PXDNL: variants seen among roughly 807,000 people sequenced by gnomAD.
PXDNL encodes the protein peroxidasin like.
PXDNL carries 145 observed loss-of-function variants against 150.8 expected under a neutral mutation model. That is an observed-to-expected ratio of 0.96 (90% CI 0.84 to 1.10). The LOEUF (loss-of-function observed/expected upper bound fraction) is 1.10. Among genes scored for constraint, PXDNL ranks in the 50% least tolerant of loss-of-function variants. The pLI is 0.00. For synonymous variants in PXDNL, 757 were observed against 725.7 expected (o/e 1.04, Z -0.69); for missense variants, 2,087 against 1,873.9 (o/e 1.11, Z -2.10).
rs537674926 is a variant in PXDNL, at chr8:51,743,431, T to C, written c.164+65750A>G. Among the ~76,000 whole-genome samples the C allele has an allele frequency of 4.6e-5, 7 of 151,978 alleles. No individual in the cohort carries two copies. The South Asian group carries it at 1.5e-3, about 32-fold the overall frequency. On this transcript the variant is annotated intron_variant, in intron 1 of 22. Coordinates refer to ENST00000356297, the MANE Select transcript of PXDNL (RefSeq NM_144651.5). ...TCTTGCTCTGTCCCCCAGGCTGCAG[T>C]AGTGCAGTGATGCGATCTTGGCTCA...
At chr8:51,529,394 T>TATCA (rs2130422397) in intron 4 of PXDNL, among the ~76,000 whole-genome samples, 1 of 152,286 alleles carries the variant, frequency 6.6e-6, no homozygotes, top group South Asian at 2.1e-4. Context: ...TTACTTGACT[T>TATCA]ATCAACAGCA....
intron 17 of PXDNL, among the ~76,000 whole-genome samples, chr8:51,376,692 T>A (rs988509054): frequency 2.6e-5 from 4 of 151,480 alleles, no homozygotes; most frequent in South Asian, 2.1e-4. Flanking sequence ...GAAGTGAGAG[T>A]TAACATGTTT....
intron 4 of PXDNL, among the ~76,000 whole-genome samples, chr8:51,508,176 G>C (rs1030563292): frequency 6.6e-6 from 1 of 152,198 alleles, no homozygotes; most frequent in Non-Finnish European, 1.5e-5. Flanking sequence ...AGTGAAACAG[G>C]CTGGAATAAA....
intron 4 of PXDNL, among the ~76,000 whole-genome samples, chr8:51,535,321 G>A (rs1471397316): frequency 5.4e-5 from 5 of 92,714 alleles, no homozygotes; most frequent in Admixed American, 2.0e-4. Flanking sequence ...TGGTTGCCGG[G>A]TCTGTGTGGA....
At chr8:51,807,046 T>C (rs2037684420) in intron 1 of PXDNL, among the ~76,000 whole-genome samples, 2 of 152,216 alleles carry the variant, frequency 1.3e-5, no homozygotes, top group Admixed American at 1.3e-4. Context: ...TCTAGGTACT[T>C]AAAATGCATT....
At chr8:51,556,729 C>T (rs1382848360) in intron 4 of PXDNL, 111 bp downstream of exon 4, 2 of 677,094 alleles carry the variant, frequency 3.0e-6, no homozygotes, top group Non-Finnish European at 2.7e-6. Flanking sequence ...TCATTCAAGC[C>T]ACATGGAGAA....
intron 3 of PXDNL, among the ~76,000 whole-genome samples, chr8:51,578,592 C>A (rs1443855317): frequency 6.6e-6 from 1 of 151,580 alleles, no homozygotes; most frequent in African/African-American, 2.4e-5. Flanking sequence ...AAAATTCAAG[C>A]AAGACTTTTG....
chr8:51,376,484 T>C (rs1277554463), intron 17 of PXDNL, among the ~76,000 whole-genome samples: 8 of 152,200 alleles, frequency 5.3e-5, no homozygotes. Context: ...TTCAATTCTT[T>C]TTCTGAGAGA....
rs202188801 is a variant in PXDNL, at chr8:51,743,684, T to G, written c.164+65497A>C. On this transcript the variant is annotated intron_variant, in intron 1 of 22. Coordinates refer to ENST00000356297, the MANE Select transcript of PXDNL (RefSeq NM_144651.5). ...GGCATGAGCCACCATGCCCGGGCAA[T>G]TTTTGTATTTTTAGTAGAGAAATGG... 2.6e-5 allele frequency among the ~76,000 whole-genome samples: 4 copies of G among 151,928 alleles called. No homozygotes were observed. The East Asian group carries it at 5.8e-4, about 22-fold the overall frequency.
At chr8:51,374,829 CA>C in intron 17 of PXDNL, 98 bp from the exon 18 acceptor site, 2 of 1,367,818 alleles carry the variant, frequency 1.5e-6, no homozygotes, top group Non-Finnish European at 2.0e-6. Context: ...TTTATCCACA[CA>C]AAAAAAGAAA....
At chr8:51,499,595 T>C in intron 5 of PXDNL, 104 bp downstream of exon 5, 1 of 811,176 alleles carries the variant, frequency 1.2e-6, no homozygotes. Context: ...GCTCTGCCTC[T>C]AAAGCTTACA....
In PXDNL at chr8:51,556,552, T is replaced by C. The variant is rs537988711; in HGVS notation, c.380+288A>G. ...CCTTAACATGCACCACGGAAATATG[T>C]GCATTTCAGGATTTGGAAACAAAGG... On this transcript the variant is annotated intron_variant, in intron 4 of 22. Coordinates refer to ENST00000356297, the MANE Select transcript of PXDNL (RefSeq NM_144651.5). Among the ~76,000 whole-genome samples the C allele has an allele frequency of 1.1e-4, 17 of 152,326 alleles. No homozygotes were observed. The South Asian group carries it at 3.1e-3, about 28-fold the overall frequency.
intron 12 of PXDNL, among the ~76,000 whole-genome samples, chr8:51,432,009 A>G (rs2129806244): frequency 6.6e-6 from 1 of 152,310 alleles, no homozygotes; most frequent in African/African-American, 2.4e-5. Flanking sequence ...TGTAGATAAG[A>G]TTATCATCTT....
In PXDNL at chr8:51,408,843, A is replaced by G. The variant is rs892118113; in HGVS notation, c.2781T>C (p.Pro927=). 6.3e-7 allele frequency: 1 copy of G among 1,575,784 alleles called. No individual in the cohort carries two copies. The highest frequency in any genetic ancestry group is 8.6e-7 in the Non-Finnish European group (1 of 1,161,912). The change falls in exon 17 of 23, where the codon CCT becomes CCC. Residue 927 remains proline (P), a synonymous_variant. Transcript: ENST00000356297. The part of the protein sequence containing the change: ...RGLLKTGFPW[P]PSGKPLLPFS... Reference sequence around the variant, plus strand: ...AGGGCAATAAGGGCTTTCCGGAGGGAGGCCAAGGAAAGCCTGTCTTCAGGA... The same window carrying G: ...AGGGCAATAAGGGCTTTCCGGAGGGGGGCCAAGGAAAGCCTGTCTTCAGGA...
intron 17 of PXDNL, 75 bp downstream of exon 17, chr8:51,407,992 G>A (rs573128452): frequency 7.5e-7 from 1 of 1,333,292 alleles, no homozygotes; most frequent in Admixed American, 2.7e-5. Context: ...CCAAATTCCA[G>A]CCACACAAAA....
intron 21 of PXDNL, among the ~76,000 whole-genome samples, chr8:51,337,203 GA>G (rs1419357833): frequency 6.6e-6 from 1 of 152,074 alleles, no homozygotes; most frequent in African/African-American, 2.4e-5. Flanking sequence ...ACATCTCTGG[GA>G]TGTTTTTAAT....
At chr8:51,775,232 G>A (rs185373509) in intron 1 of PXDNL, among the ~76,000 whole-genome samples, 139 of 152,300 alleles carry the variant, frequency 9.1e-4, no homozygotes, top group African/African-American at 3.1e-3. Context: ...TAGTTTAAGA[G>A]TGAAAACAAA....
In PXDNL at chr8:51,559,879, A is replaced by T. The variant is rs563067086; in HGVS notation, c.309-2968T>A. ...TAAAATAAATTAGGACCAGGATTTT[A>T]AAAATCAAGATTATTGTGTACCAAG... On this transcript the variant is annotated intron_variant, in intron 3 of 22. Transcript: ENST00000356297. 2.6e-5 allele frequency among the ~76,000 whole-genome samples: 4 copies of T among 152,168 alleles called. No individual in the cohort carries two copies. In the East Asian group the frequency reaches 5.8e-4, roughly 22 times the overall value.
chr8:51,764,937 A>G (rs1214139037), intron 1 of PXDNL, among the ~76,000 whole-genome samples: 1 of 152,174 alleles, frequency 6.6e-6, no homozygotes, highest in Non-Finnish European at 1.5e-5. Flanking sequence ...CTTCAGTTTA[A>G]TCTGTTTTTG....
Sources: allele counts gnomAD v4.1 joint callset (sites outside exome capture counted in the v4.1 genomes callset), GRCh38; gene constraint gnomAD v4.1.1; transcripts MANE v1.5; gene names NCBI Gene and HGNC (gene_info 2026-07-23, HGNC 2026-07-21).